The following FBXO22 variants were observed in gnomAD, a reference collection of about 807,000 sequenced individuals.
FBXO22 encodes the protein F-box protein 22.
FBXO22 carries 13 observed loss-of-function variants against 37.2 expected under a neutral mutation model. That is an observed-to-expected ratio of 0.35 (90% CI 0.23 to 0.56). FBXO22 has a LOEUF of 0.56. Among genes scored for constraint, FBXO22 ranks in the 20% least tolerant of loss-of-function variants. FBXO22 has a pLI of 0.87. For synonymous variants in FBXO22, 189 were observed against 189.1 expected (o/e 1.00, Z 0.00); for missense variants, 446 against 509.9 (o/e 0.87, Z 1.21).
chr15:75,931,107 T>C (rs1383289891), intron 6 of FBXO22, among the ~76,000 whole-genome samples: 1 of 152,168 alleles, frequency 6.6e-6, no homozygotes, highest in East Asian at 1.9e-4. Flanking sequence ...ATTTTTCCTG[T>C]GTCTTTGCTA....
chr15:75,904,740 G>C, intron 2 of FBXO22, 111 bp downstream of exon 2: 1 of 1,063,330 alleles, frequency 9.4e-7, no homozygotes, highest in Non-Finnish European at 1.3e-6. Context: ...ATCTCGTTCC[G>C]TGAAAAGATT....
chr15:75,905,542 A>T (rs1011488321), intron 2 of FBXO22: 6 of 152,226 alleles, frequency 3.9e-5, no homozygotes, highest in African/African-American at 1.4e-4. Flanking sequence ...CAATCAGGAA[A>T]TTATCACTGA....
Position 75,940,099 on chromosome 15 carries a change from A to C in FBXO22, c.*6997A>C, listed in dbSNP as rs1198945379. 7.1e-6 allele frequency: 1 copy of C among 140,938 alleles called. No homozygotes were observed. The highest frequency in any genetic ancestry group is 2.0e-4 in the East Asian group (1 of 4,950). The allele number at this position is 140,938 out of a possible 1,614,324, so 8.7% of individuals were successfully genotyped here. A position where few individuals can be genotyped will look rare whatever the true frequency, so the allele number is the denominator to read the frequency against. ...AATGATATGATCTTTAGACAACCCG[A>C]AAGATTCCACACCAAAAAAAAAAAA... is the stretch of plus-strand genomic sequence containing the variant. On this transcript the variant is annotated 3_prime_UTR_variant, in exon 7 of 7. Coordinates refer to ENST00000308275, the MANE Select transcript of FBXO22 (RefSeq NM_147188.3).
Position 75,929,146 on chromosome 15 carries a change from C to G in FBXO22, c.629-738C>G, listed in dbSNP as rs567012403. Among the ~76,000 whole-genome samples the G allele has an allele frequency of 2.0e-5, 3 of 152,018 alleles. No individual in the cohort carries two copies. The South Asian group carries it at 6.2e-4, about 32-fold the overall frequency. On this transcript the variant is annotated intron_variant, in intron 5 of 6. Transcript: ENST00000308275. ...GAGTCTGTTCTTTTTCTCTTCCTAC[C>G]GCTCCAGTTTCTGCTTCTGTGGTCA...
At chr15:75,930,520 C>T in intron 6 of FBXO22, 1 of 987,622 alleles carries the variant, frequency 1.0e-6, no homozygotes, top group African/African-American at 1.7e-5. Context: ...CTTTTTTCCA[C>T]AGAATGTCTT....
At chr15:75,920,348 G>A (rs111497654) in intron 5 of FBXO22, among the ~76,000 whole-genome samples, 2,878 of 152,280 alleles carry the variant, frequency 0.019, 103 homozygotes, top group African/African-American at 0.066. Flanking sequence ...CAGTCTGCCT[G>A]TAAAAGCATC....
At chr15:75,919,146 C>T (rs750103985) in intron 5 of FBXO22, among the ~76,000 whole-genome samples, 14 of 151,792 alleles carry the variant, frequency 9.2e-5, no homozygotes, top group Non-Finnish European at 1.6e-4. Flanking sequence ...TTTTTTTTGT[C>T]TTTTTATTAG....
At chr15:75,922,190 G>A (rs1595916294) in intron 5 of FBXO22, among the ~76,000 whole-genome samples, 1 of 152,226 alleles carries the variant, frequency 6.6e-6, no homozygotes, top group East Asian at 1.9e-4. Context: ...AGACATTTGA[G>A]TAATGCGTTG....
At position 75,936,963 on chromosome 15, in the gene FBXO22, G is replaced by C. The variant is rs545620240; in HGVS notation, c.*3861G>C. ...AAAACAGGGAAGATTGATTAATTTA[G>C]AAGAAATTGAAAGAAAATATATTTA... On this transcript the variant is annotated 3_prime_UTR_variant, in exon 7 of 7. Coordinates refer to ENST00000308275, the MANE Select transcript of FBXO22 (RefSeq NM_147188.3). 5 of 152,128 alleles carry C rather than the reference G, an allele frequency of 3.3e-5. No individual in the cohort carries two copies. The highest frequency in any genetic ancestry group is 5.9e-5 in the Non-Finnish European group (4 of 68,026). The allele number at this position is 152,128 out of a possible 1,614,324, so 9.4% of individuals were successfully genotyped here. A position where few individuals can be genotyped will look rare whatever the true frequency, so the allele number is the denominator to read the frequency against.
At position 75,932,829 on chromosome 15, in the gene FBXO22, C is replaced by A; in HGVS notation, c.939C>A (p.Asn313Lys). ...CGATGCAGCGCCTCAAAGCGGCCAA[C>A]ATTCCAGAGCATAACACCATTGGCT... Reference protein sequence around the residue: ...EAAMQRLKAANIPEHNTIGFM... With the variant: ...EAAMQRLKAAKIPEHNTIGFM... The change falls in exon 7 of 7, where the codon AAC (asparagine) becomes AAA (lysine). Residue 313 changes from asparagine (N) to lysine (K), a missense_variant. This residue lies in a region of FBXO22 where 315 missense variants were observed against 410.1 expected (regional missense o/e 0.77). Coordinates refer to ENST00000308275, the MANE Select transcript of FBXO22 (RefSeq NM_147188.3). 1 of 1,614,258 alleles carries A rather than the reference C, an allele frequency of 6.2e-7. No homozygotes were observed. The highest frequency in any genetic ancestry group is 8.5e-7 in the Non-Finnish European group (1 of 1,180,050).
Position 75,933,310 on chromosome 15 carries a change from C to T in FBXO22, c.*208C>T. 1.9e-6 allele frequency: 1 copy of T among 519,104 alleles called. No homozygotes were observed. The highest frequency in any genetic ancestry group is 2.4e-5 in the South Asian group (1 of 41,744). The allele number at this position is 519,104 out of a possible 1,614,324, so 32.2% of individuals were successfully genotyped here. ...CATAACACTGACTAGGAGTTGAGAG[C>T]TTTTGCATCAGGCAGAAGCAAACTG... On this transcript the variant is annotated 3_prime_UTR_variant, in exon 7 of 7. Coordinates refer to ENST00000308275, the MANE Select transcript of FBXO22 (RefSeq NM_147188.3).
intron 5 of FBXO22, among the ~76,000 whole-genome samples, chr15:75,927,939 C>G (rs540695077): frequency 1.5e-4 from 23 of 152,096 alleles, no homozygotes; most frequent in Non-Finnish European, 3.2e-4. Context: ...TTCCTGTCCC[C>G]AAAGCACCCG....
At chr15:75,932,550 T>TA (rs1269715234) in intron 6 of FBXO22, 135 bp from the exon 7 acceptor site, 3 of 782,100 alleles carry the variant, frequency 3.8e-6, no homozygotes, top group Non-Finnish European at 6.1e-6. Context: ...TTTACTCACC[T>TA]ATGAGGGTGA....
chr15:75,935,607 G>C lies in FBXO22; in HGVS notation c.*2505G>C, dbSNP rs1003528564. On this transcript the variant is annotated 3_prime_UTR_variant, in exon 7 of 7. Coordinates refer to ENST00000308275, the MANE Select transcript of FBXO22 (RefSeq NM_147188.3). The stretch of plus-strand genomic sequence containing the variant: ...AGAAATAGATCCACCCTTGCAGACT[G>C]ATAAAAGTGGGCAATCTAGTAGGCC... 6.7e-6 allele frequency: 1 copy of C among 149,834 alleles called. No homozygotes were observed. Among genetic ancestry groups the C allele is most frequent in the African/African-American group, 2.5e-5 (1 of 40,556 alleles). 9.3% of individuals were successfully genotyped at this position (149,834 alleles called of 1,614,324 possible).
At chr15:75,912,308 C>A (rs1322423604) in intron 2 of FBXO22, among the ~76,000 whole-genome samples, 3 of 152,124 alleles carry the variant, frequency 2.0e-5, no homozygotes, top group Non-Finnish European at 4.4e-5. Context: ...ACGAGTCCCT[C>A]TTTTTCTGTT....
At chr15:75,930,755 A>G (rs1017897024) in intron 6 of FBXO22, 12 of 985,494 alleles carry the variant, frequency 1.2e-5, no homozygotes, top group Non-Finnish European at 1.4e-5. Flanking sequence ...TGTTTCCAGC[A>G]GGAAAATCAG....
intron 4 of FBXO22, among the ~76,000 whole-genome samples, chr15:75,915,122 C>T (rs1900154034): frequency 1.3e-5 from 2 of 151,932 alleles, no homozygotes; most frequent in African/African-American, 4.8e-5. Flanking sequence ...CGCCCGCCAC[C>T]ACCACACCTG....
At chr15:75,917,568 CAT>C (rs1900218433) in intron 5 of FBXO22, among the ~76,000 whole-genome samples, 174 bp downstream of exon 5, 1 of 152,144 alleles carries the variant, frequency 6.6e-6, no homozygotes, top group Non-Finnish European at 1.5e-5. Flanking sequence ...CAGTGTGATA[CAT>C]GTTTGGTAGA....
chr15:75,906,605 C>G, intron 2 of FBXO22, among the ~76,000 whole-genome samples: 1 of 152,046 alleles, frequency 6.6e-6, no homozygotes, highest in Admixed American at 6.5e-5. Flanking sequence ...CATCAATGCC[C>G]CATATGTAAC....
Sources: allele counts gnomAD v4.1 joint callset (sites outside exome capture counted in the v4.1 genomes callset), GRCh38; gene constraint gnomAD v4.1.1; regional missense constraint gnomAD v4.1.1; transcripts MANE v1.5; gene names NCBI Gene and HGNC (gene_info 2026-07-23, HGNC 2026-07-21).